The following DPP10 variants were observed in gnomAD, a reference collection of about 807,000 sequenced individuals.
The protein encoded by DPP10 is inactive dipeptidyl peptidase 10.
DPP10 carries 33 observed loss-of-function variants against 120.9 expected under a neutral mutation model. The ratio of observed to expected loss-of-function variants is 0.27; its 90% CI spans 0.21 to 0.37. The LOEUF is 0.37. Among genes scored for constraint, DPP10 ranks in the 10% least tolerant of loss-of-function variants. The probability of loss-of-function intolerance (pLI) is 1.00; values close to 1 mark genes in which losing one functional copy is unlikely to be tolerated. For synonymous variants in DPP10, 337 were observed against 326.1 expected (o/e 1.03, Z -0.36); for missense variants, 816 against 942.8 (o/e 0.87, Z 1.76).
intron 4 of DPP10, among the ~76,000 whole-genome samples, chr2:115,523,396 C>CAAAAAA (rs67633094): frequency 5.8e-5 from 4 of 69,158 alleles, no homozygotes; most frequent in Non-Finnish European, 7.4e-5. Context: ...GAGAAGCTCT[C>CAAAAAA]AAAAAAAAAA....
chr2:115,757,539 G>A (rs1391622594), intron 11 of DPP10, among the ~76,000 whole-genome samples: 3 of 152,038 alleles, frequency 2.0e-5, no homozygotes, highest in Non-Finnish European at 2.9e-5. Context: ...GGAAAGATTC[G>A]CCCCCGTAAT....
At chr2:115,478,721 C>T (rs2075246070) in intron 3 of DPP10, among the ~76,000 whole-genome samples, 1 of 151,966 alleles carries the variant, frequency 6.6e-6, no homozygotes, top group Admixed American at 6.6e-5. Context: ...ACAAAACAAA[C>T]AGCATAATTG....
At chr2:114,947,917 C>A (rs1029897055) in intron 1 of DPP10, among the ~76,000 whole-genome samples, 2 of 151,966 alleles carry the variant, frequency 1.3e-5, no homozygotes, top group African/African-American at 4.8e-5. Flanking sequence ...AGTCTCCCCT[C>A]CCCACCTTAT....
chr2:115,723,617 T>TGTTTTCTG (rs200869328), intron 7 of DPP10, among the ~76,000 whole-genome samples: 1,379 of 37,724 alleles, frequency 0.037, 17 homozygotes, highest in Admixed American at 0.053. Context: ...TTGTTGTTGT[T>TGTTTTCTG]TTTTGTTTTT....
At chr2:115,603,550 C>G (rs1170303093) in intron 5 of DPP10, among the ~76,000 whole-genome samples, 1 of 41,770 alleles carries the variant, frequency 2.4e-5, no homozygotes, top group Non-Finnish European at 4.9e-5. Context: ...TGTGTGTTTT[C>G]GTTGTTGTTG....
intron 1 of DPP10, among the ~76,000 whole-genome samples, chr2:114,959,449 C>T (rs915251761): frequency 6.6e-6 from 1 of 152,154 alleles, no homozygotes; most frequent in African/African-American, 2.4e-5. Flanking sequence ...AAGGATATCA[C>T]ACATTTTGTT....
At chr2:115,560,363 T>C (rs1431475119) in intron 5 of DPP10, among the ~76,000 whole-genome samples, 1 of 57,038 alleles carries the variant, frequency 1.8e-5, no homozygotes, top group Non-Finnish European at 2.9e-5. Context: ...AGAGCAAGAC[T>C]CCTTCTCAAA....
intron 21 of DPP10, among the ~76,000 whole-genome samples, chr2:115,816,851 G>A (rs1190601240): frequency 2.0e-5 from 3 of 150,502 alleles, no homozygotes; most frequent in Admixed American, 6.6e-5. Flanking sequence ...TCTTGACCTC[G>A]TGATCCGCCT....
chr2:115,221,554 A>G (rs576666837), intron 1 of DPP10, among the ~76,000 whole-genome samples: 2 of 152,238 alleles, frequency 1.3e-5, no homozygotes, highest in African/African-American at 4.8e-5. Context: ...AATATTTACT[A>G]TCTGGCCCTA....
At chr2:114,527,147 T>C (rs1685571507) in intron 1 of DPP10, among the ~76,000 whole-genome samples, 1 of 152,222 alleles carries the variant, frequency 6.6e-6, no homozygotes, top group African/African-American at 2.4e-5. Context: ...GATATAATTA[T>C]GGTTGTGAGA....
intron 24 of DPP10, 103 bp from the exon 25 acceptor site, chr2:115,840,647 A>AATG: frequency 1.7e-6 from 2 of 1,181,948 alleles, no homozygotes; most frequent in Non-Finnish European, 2.4e-6. Flanking sequence ...TTAAATGTGC[A>AATG]ATGTATGTAA....
chr2:115,040,246 A>G (rs1704535349), intron 1 of DPP10, among the ~76,000 whole-genome samples: 1 of 151,832 alleles, frequency 6.6e-6, no homozygotes, highest in Admixed American at 6.6e-5. Context: ...AGGTGATCAC[A>G]GAAAACCAAA....
In DPP10 at chr2:115,506,886, T is replaced by C. The variant is rs181998124; in HGVS notation, c.366+7282T>C. Among the ~76,000 whole-genome samples, 154 of 152,264 alleles carry C rather than the reference T, an allele frequency of 1.0e-3. 1 individual carries two copies. Among genetic ancestry groups the C allele is most frequent in the African/African-American group, 3.4e-3 (143 of 41,562 alleles). On this transcript the variant is annotated intron_variant, in intron 4 of 25. Coordinates refer to ENST00000410059, the MANE Select transcript of DPP10 (RefSeq NM_020868.6). ...GTTTGCCTTAACTTGTCTGAAGTCA[T>C]CATATTTGTTTTTAACATATTTTAA... is the stretch of plus-strand genomic sequence containing the variant.
intron 1 of DPP10, among the ~76,000 whole-genome samples, chr2:115,272,182 G>A (rs1051801806): frequency 6.6e-6 from 1 of 152,172 alleles, no homozygotes; most frequent in Non-Finnish European, 1.5e-5. Context: ...TATTGTGAGT[G>A]TTTTCTTTGA....
chr2:115,385,081 T>C (rs919501917), intron 3 of DPP10, among the ~76,000 whole-genome samples: 1 of 152,210 alleles, frequency 6.6e-6, no homozygotes, highest in African/African-American at 2.4e-5. Context: ...TCCCCAGCCG[T>C]CTGTAACTGT....
chr2:115,780,822 A>G lies in DPP10; in HGVS notation c.1362-52A>G, dbSNP rs546968832. ...ATTTAAATATGAACACCACACATTC[A>G]AGTGCCTAGAATAGTAGCATTTCTA... On this transcript the variant is annotated intron_variant, in intron 15 of 25. Coordinates refer to ENST00000410059, the MANE Select transcript of DPP10 (RefSeq NM_020868.6). 7.5e-5 allele frequency: 115 copies of G among 1,523,752 alleles called. No homozygotes were observed. The South Asian group carries it at 1.3e-3, about 18-fold the overall frequency. The allele number at this position is 1,523,752 out of a possible 1,614,324, so 94.4% of individuals were successfully genotyped here.
chr2:115,571,371 C>T (rs13002803), intron 5 of DPP10, among the ~76,000 whole-genome samples: 31,638 of 151,898 alleles, frequency 0.21, 3,877 homozygotes, highest in East Asian at 0.39. Flanking sequence ...GTTTTTCAAA[C>T]CTTACCTCCC....
intron 8 of DPP10, among the ~76,000 whole-genome samples, chr2:115,728,789 G>T (rs567497358): frequency 2.0e-5 from 3 of 152,048 alleles, no homozygotes; most frequent in Non-Finnish European, 4.4e-5. Context: ...TCACTCAAAT[G>T]ATATCATTGA....
intron 1 of DPP10, among the ~76,000 whole-genome samples, chr2:115,247,370 G>C (rs1213034837): frequency 6.6e-6 from 1 of 152,120 alleles, no homozygotes; most frequent in Non-Finnish European, 1.5e-5. Context: ...TGATGCCCAG[G>C]AATTTGTGTA....
Sources: gnomAD v4.1 joint callset for allele counts (sites outside exome capture counted in the v4.1 genomes callset) on GRCh38, gnomAD v4.1.1 for gene constraint, MANE v1.5 for transcripts, NCBI Gene and HGNC (gene_info 2026-07-23, HGNC 2026-07-21) for gene names.